The following TMX3 variants were observed in gnomAD, a reference collection of about 807,000 sequenced individuals.
The protein encoded by TMX3 is protein disulfide-isomerase TMX3.
Under a neutral mutation model 64.4 loss-of-function variants are expected in TMX3, and 40 were observed. The ratio of observed to expected loss-of-function variants is 0.62; its 90% CI spans 0.48 to 0.81. The LOEUF is 0.81. TMX3 is among the 30% of genes least tolerant of loss of function. The pLI, the probability that TMX3 is intolerant of heterozygous loss-of-function variation, is 0.00. For missense variants in TMX3, 497 were observed against 534.5 expected, an observed-to-expected ratio of 0.93 and a Z score of 0.69; for synonymous variants, 189 against 175.7, an observed-to-expected ratio of 1.08 and a Z score of -0.60.
At chr18:68,697,752 A>G (rs748128350) in intron 7 of TMX3, 180 bp downstream of exon 7, 5 of 524,804 alleles carry the variant, frequency 9.5e-6, no homozygotes, top group Non-Finnish European at 1.7e-5. Flanking sequence ...TCTGTTTCAT[A>G]TAGGAAAACA....
intron 5 of TMX3, chr18:68,701,511 G>T: frequency 1.2e-6 from 1 of 819,210 alleles, no homozygotes. Flanking sequence ...CCTGCACAGT[G>T]CGTGTCACAC....
At chr18:68,712,788 G>A (rs2031420932) in intron 2 of TMX3, among the ~76,000 whole-genome samples, 1 of 152,016 alleles carries the variant, frequency 6.6e-6, no homozygotes, top group South Asian at 2.1e-4. Flanking sequence ...CAATCAGTGA[G>A]CATCCCCCAT....
chr18:68,712,183 G>A (rs2031347621), intron 2 of TMX3, among the ~76,000 whole-genome samples: 1 of 152,276 alleles, frequency 6.6e-6, no homozygotes, highest in Middle Eastern at 3.4e-3. Context: ...GGAACACATA[G>A]GAATGGCTAA....
intron 13 of TMX3, 35 bp from the exon 14 acceptor site, chr18:68,681,145 AAC>A (rs1913385304): frequency 1.3e-6 from 2 of 1,497,634 alleles, no homozygotes; most frequent in Admixed American, 4.2e-5. Context: ...ATATACATTA[AAC>A]ACAGCAATAG....
chr18:68,707,836 G>GTCAA (rs1241805792), intron 4 of TMX3, among the ~76,000 whole-genome samples: 1 of 151,920 alleles, frequency 6.6e-6, no homozygotes, highest in Non-Finnish European at 1.5e-5. Flanking sequence ...AATAGTACTT[G>GTCAA]GTAAATATTG....
intron 12 of TMX3, among the ~76,000 whole-genome samples, chr18:68,683,854 T>A (rs1364896068): frequency 6.6e-6 from 1 of 152,198 alleles, no homozygotes; most frequent in Admixed American, 6.5e-5. Context: ...AACATATACA[T>A]AATTTTTACT....
At chr18:68,710,246 A>G (rs1599346421) in intron 3 of TMX3, 102 bp from the exon 4 acceptor site, 2 of 1,064,174 alleles carry the variant, frequency 1.9e-6, no homozygotes, top group Non-Finnish European at 2.5e-6. Context: ...CTTTGACTAA[A>G]TGATCTAATA....
At position 68,713,804 on chromosome 18, in the gene TMX3, G is replaced by A. The variant is rs758766868; in HGVS notation, c.101+42C>T. ...TGCAAATATTCAGATATCTGAGTTG[G>A]ACAGTTAAAATAATATTTTAAATAT... On this transcript the variant is annotated intron_variant, in intron 2 of 15. Transcript: ENST00000299608. 5 of 998,266 alleles carry A rather than the reference G, an allele frequency of 5.0e-6. No homozygotes were observed. The Admixed American group carries it at 1.3e-4, about 26-fold the overall frequency. The allele number at this position is 998,266 out of a possible 1,614,324, so 61.8% of individuals were successfully genotyped here.
At chr18:68,691,064 A>T (rs1002615358) in intron 9 of TMX3, 29 of 387,876 alleles carry the variant, frequency 7.5e-5, no homozygotes, top group African/African-American at 6.0e-4. Context: ...AACGCATATA[A>T]TTTAACAAAC....
At chr18:68,682,708 ATTT>A (rs11315775) in intron 13 of TMX3, among the ~76,000 whole-genome samples, 1 of 143,436 alleles carries the variant, frequency 7.0e-6, no homozygotes, top group Non-Finnish European at 1.6e-5. Context: ...TCAGGAGATA[ATTT>A]TTTTTTTTTT....
chr18:68,695,182 C>T (rs745803900), intron 8 of TMX3, among the ~76,000 whole-genome samples: 2 of 152,150 alleles, frequency 1.3e-5, no homozygotes, highest in African/African-American at 2.4e-5. Context: ...TCCATGTGGA[C>T]ACACATTGTG....
intron 13 of TMX3, chr18:68,681,644 C>A (rs1913445177): frequency 1.5e-5 from 15 of 985,246 alleles, no homozygotes; most frequent in Non-Finnish European, 1.8e-5. Context: ...AGTTCACTCC[C>A]TTCCTCGCTC....
intron 2 of TMX3, among the ~76,000 whole-genome samples, chr18:68,712,806 C>T (rs75647034): frequency 6.6e-6 from 1 of 152,056 alleles, no homozygotes; most frequent in Non-Finnish European, 1.5e-5. Flanking sequence ...CATGACCCAA[C>T]AGCATGAGCA....
At chr18:68,687,412 T>C in intron 10 of TMX3, 1 of 985,436 alleles carries the variant, frequency 1.0e-6, no homozygotes, top group African/African-American at 1.7e-5. Flanking sequence ...CTCACTCTCT[T>C]ATTACCCAGG....
chr18:68,687,128 A>G, intron 10 of TMX3: 2 of 984,326 alleles, frequency 2.0e-6, no homozygotes, highest in Non-Finnish European at 2.4e-6. Context: ...TTTATAAAAC[A>G]CTTTCTCCTA....
intron 13 of TMX3, chr18:68,681,581 T>A: frequency 1.0e-6 from 1 of 985,412 alleles, no homozygotes; most frequent in South Asian, 4.7e-5. Flanking sequence ...AGTAAGGTGA[T>A]GCTACATTTC....
chr18:68,681,561 TAATA>T, intron 13 of TMX3: 1 of 985,046 alleles, frequency 1.0e-6, no homozygotes, highest in East Asian at 1.1e-4. Flanking sequence ...ATGAGAGGGA[TAATA>T]AATGAAGTAA....
At chr18:68,709,380 T>C (rs970694131) in intron 4 of TMX3, among the ~76,000 whole-genome samples, 2 of 152,146 alleles carry the variant, frequency 1.3e-5, no homozygotes. Flanking sequence ...TTCTGGGGCA[T>C]ACAGCCTCTG....
Position 68,710,374 on chromosome 18 carries a change from T to C in TMX3, c.142-230A>G, listed in dbSNP as rs189801971. On this transcript the variant is annotated intron_variant, in intron 3 of 15. Coordinates refer to ENST00000299608, the MANE Select transcript of TMX3 (RefSeq NM_019022.5). Reference sequence around the variant, plus strand: ...CGGTACTATCTTAAGCTCATTTTAATTGACTACTGATTTAAAACAGATATA... The same window carrying C: ...CGGTACTATCTTAAGCTCATTTTAACTGACTACTGATTTAAAACAGATATA... 1.8e-3 allele frequency among the ~76,000 whole-genome samples: 277 copies of C among 152,310 alleles called. 2 individuals are homozygous for C. The highest frequency in any genetic ancestry group is 6.4e-3 in the African/African-American group (268 of 41,588).
Sources: allele counts gnomAD v4.1 joint callset (sites outside exome capture counted in the v4.1 genomes callset), GRCh38; gene constraint gnomAD v4.1.1; transcripts MANE v1.5; gene names NCBI Gene and HGNC (gene_info 2026-07-23, HGNC 2026-07-21).